Variants in PRKG1 observed in about 807,000 individuals in gnomAD.
The protein encoded by PRKG1 is protein kinase cGMP-dependent 1, also known as cGMP-dependent protein kinase 1.
A neutral mutation model predicts 88.1 loss-of-function variants in PRKG1; 35 were observed. That is an observed-to-expected ratio of 0.40 (90% CI 0.30 to 0.53). The LOEUF (loss-of-function observed/expected upper bound fraction) is 0.53. Among genes scored for constraint, PRKG1 ranks in the 20% least tolerant of loss-of-function variants. PRKG1 has a pLI of 0.59. For missense variants in PRKG1, 540 were observed against 839.8 expected (o/e 0.64, Z 4.41); for synonymous variants, 303 against 292.5 (o/e 1.04, Z -0.37).
At chr10:51,955,789 T>C (rs924381795) in intron 5 of PRKG1, among the ~76,000 whole-genome samples, 1 of 152,156 alleles carries the variant, frequency 6.6e-6, no homozygotes, top group African/African-American at 2.4e-5. Context: ...AGAATGTTAA[T>C]GTTTTAAAGT....
At chr10:51,761,555 G>A (rs1838022232) in intron 3 of PRKG1, among the ~76,000 whole-genome samples, 1 of 152,194 alleles carries the variant, frequency 6.6e-6, no homozygotes, top group Non-Finnish European at 1.5e-5. Flanking sequence ...TGCATATCCA[G>A]ACAAAGTGAA....
chr10:51,543,292 G>A (rs1842359571), intron 3 of PRKG1, among the ~76,000 whole-genome samples: 1 of 152,134 alleles, frequency 6.6e-6, no homozygotes, highest in Non-Finnish European at 1.5e-5. Flanking sequence ...GACTGATGAG[G>A]TAAATTCAAT....
chr10:52,094,769 CTCTTA>C (rs1387652073), intron 7 of PRKG1, among the ~76,000 whole-genome samples: 1 of 152,118 alleles, frequency 6.6e-6, no homozygotes, highest in South Asian at 2.1e-4. Context: ...CTTGTTTCTT[CTCTTA>C]TAAGGACATT....
At chr10:52,016,118 C>T (rs565023692) in intron 5 of PRKG1, among the ~76,000 whole-genome samples, 3 of 152,328 alleles carry the variant, frequency 2.0e-5, no homozygotes, top group South Asian at 4.1e-4. Flanking sequence ...ATCTTTATAG[C>T]AGTACCCTAC....
At chr10:51,427,886 A>G (rs756408314) in intron 2 of PRKG1, among the ~76,000 whole-genome samples, 41 of 152,224 alleles carry the variant, frequency 2.7e-4, no homozygotes, top group Admixed American at 1.1e-3. Flanking sequence ...CATAAACACC[A>G]GGTGGTGAAG....
intron 7 of PRKG1, among the ~76,000 whole-genome samples, chr10:52,090,721 T>A (rs546537858): frequency 6.6e-6 from 1 of 152,360 alleles, no homozygotes; most frequent in African/African-American, 2.4e-5. Flanking sequence ...TATTTGAATG[T>A]GGTAGGTAAC....
chr10:51,339,321 A>G (rs1199340552), intron 2 of PRKG1, among the ~76,000 whole-genome samples: 1 of 152,148 alleles, frequency 6.6e-6, no homozygotes, highest in East Asian at 1.9e-4. Context: ...TCTTCAAATT[A>G]TCTTCTAGAA....
At chr10:51,173,270 AACTC>A (rs1382037698) in intron 2 of PRKG1, among the ~76,000 whole-genome samples, 1 of 151,974 alleles carries the variant, frequency 6.6e-6, no homozygotes, top group African/African-American at 2.4e-5. Flanking sequence ...TAATTGTAAA[AACTC>A]ACACATTTAG....
At chr10:52,254,052 G>T (rs935725398) in intron 10 of PRKG1, among the ~76,000 whole-genome samples, 5 of 151,868 alleles carry the variant, frequency 3.3e-5, no homozygotes, top group African/African-American at 1.2e-4. Context: ...TACTTTTGGG[G>T]TATTAAAATA....
intron 3 of PRKG1, among the ~76,000 whole-genome samples, chr10:51,601,571 T>A (rs1261355714): frequency 6.6e-6 from 1 of 152,066 alleles, no homozygotes; most frequent in Non-Finnish European, 1.5e-5. Flanking sequence ...TGCTTCCATA[T>A]CCCTTTCCTG....
chr10:52,046,972 A>G (rs1330237219), intron 5 of PRKG1: 1 of 152,072 alleles, frequency 6.6e-6, no homozygotes, highest in Non-Finnish European at 1.5e-5. Context: ...TGTTGGATGT[A>G]AATAAATAGA....
intron 2 of PRKG1, among the ~76,000 whole-genome samples, chr10:51,197,857 C>T (rs1189537778): frequency 6.7e-6 from 1 of 149,454 alleles, no homozygotes; most frequent in Non-Finnish European, 1.5e-5. Flanking sequence ...AAAGTAATTG[C>T]AGAAACCAGA....
chr10:51,241,009 G>A (rs1321570816), intron 2 of PRKG1, among the ~76,000 whole-genome samples: 1 of 152,106 alleles, frequency 6.6e-6, no homozygotes, highest in African/African-American at 2.4e-5. Flanking sequence ...TTTACCACAT[G>A]CCACTCCTTG....
intron 3 of PRKG1, among the ~76,000 whole-genome samples, chr10:51,610,919 A>T (rs1166395241): frequency 3.3e-5 from 5 of 152,154 alleles, no homozygotes. Context: ...GAGGGAGAGC[A>T]TCAGGACAAA....
intron 3 of PRKG1, among the ~76,000 whole-genome samples, chr10:51,719,002 TG>T (rs745321079): frequency 2.7e-4 from 41 of 152,152 alleles, no homozygotes; most frequent in Non-Finnish European, 4.9e-4. Flanking sequence ...AAAAATTATC[TG>T]GGCATGGTGG....
intron 9 of PRKG1, among the ~76,000 whole-genome samples, chr10:52,244,850 A>T (rs1251407746): frequency 1.5e-5 from 2 of 132,856 alleles, no homozygotes; most frequent in Non-Finnish European, 3.2e-5. Flanking sequence ...ATATTTAAAT[A>T]TTTTTATATA....
intron 2 of PRKG1, among the ~76,000 whole-genome samples, chr10:51,268,256 G>A (rs1010276212): frequency 2.6e-5 from 4 of 152,066 alleles, no homozygotes; most frequent in African/African-American, 4.8e-5. Flanking sequence ...ATGAAGTTTG[G>A]GGCACGCATT....
At position 52,293,676 on chromosome 10, in the gene PRKG1, T is replaced by C. The variant is rs1442646337; in HGVS notation, c.1963-126T>C. On this transcript the variant is annotated intron_variant, in intron 17 of 17. Transcript: ENST00000373980. The stretch of plus-strand genomic sequence containing the variant: ...ACTTACCACTGTGACCCTCAATACC[T>C]GCTACATAGTAGATACTCAATGAAA... 4 of 713,356 alleles carry C rather than the reference T, an allele frequency of 5.6e-6. No individual in the cohort carries two copies. The East Asian group carries it at 1.1e-4, about 19-fold the overall frequency. 44.2% of individuals were successfully genotyped at this position (713,356 alleles called of 1,614,324 possible).
At chr10:52,274,127 A>AT (rs928110004) in intron 12 of PRKG1, among the ~76,000 whole-genome samples, 3 of 151,682 alleles carry the variant, frequency 2.0e-5, no homozygotes, top group South Asian at 2.1e-4. Flanking sequence ...ATAGCTTATT[A>AT]TTTTTTTATT....
Sources: allele counts gnomAD v4.1 joint callset (sites outside exome capture counted in the v4.1 genomes callset), GRCh38; gene constraint gnomAD v4.1.1; transcripts MANE v1.5; gene names NCBI Gene and HGNC (gene_info 2026-07-23, HGNC 2026-07-21).